Variants in THEMIS observed in about 807,000 individuals in gnomAD.
The protein encoded by THEMIS is thymocyte selection associated.
THEMIS carries 37 observed loss-of-function variants against 52.6 expected under a neutral mutation model. The ratio of observed to expected loss-of-function variants is 0.70; its 90% CI spans 0.54 to 0.93. The LOEUF (loss-of-function observed/expected upper bound fraction) is 0.93, where lower values mean the gene tolerates loss of function less well. THEMIS is among the 40% of genes least tolerant of loss of function. The pLI, the probability that THEMIS is intolerant of heterozygous loss-of-function variation, is 0.00. For synonymous variants in THEMIS, 292 were observed against 272.7 expected, an observed-to-expected ratio of 1.07 and a Z score of -0.70; for missense variants, 808 against 763.1, an observed-to-expected ratio of 1.06 and a Z score of -0.69.
chr6:127,840,357 T>C lies in THEMIS; in HGVS notation c.251-10423A>G, dbSNP rs937673541. Reference sequence around the variant, plus strand: ...AATAAAAATTATGCCTTGAAGAATATTTAATGACACAGGCAAGTCCTCAGA... The same window carrying C: ...AATAAAAATTATGCCTTGAAGAATACTTAATGACACAGGCAAGTCCTCAGA... On this transcript the variant is annotated intron_variant, in intron 2 of 5. Coordinates refer to ENST00000368248, the MANE Select transcript of THEMIS (RefSeq NM_001010923.3). Among the ~76,000 whole-genome samples the C allele has an allele frequency of 5.3e-5, 8 of 152,238 alleles. 1 individual carries two copies. The South Asian group carries it at 1.0e-3, about 20-fold the overall frequency.
rs1237148248 is a variant in THEMIS, at chr6:127,906,902, T to C, written c.-149-5821A>G. Among the ~76,000 whole-genome samples the C allele has an allele frequency of 1.3e-5, 2 of 151,900 alleles. 1 individual carries two copies. The highest frequency in any genetic ancestry group is 4.1e-4 in the South Asian group (2 of 4,830). ...AAATACCAATTCGTTTGTTAGATTCTCTATAGCTGCTTTCCTAAAAAGTAA... is the reference window on the plus strand; with the variant it reads ...AAATACCAATTCGTTTGTTAGATTCCCTATAGCTGCTTTCCTAAAAAGTAA... On this transcript the variant is annotated intron_variant, in intron 1 of 6. Coordinates refer to the THEMIS transcript ENST00000368250.
chr6:127,742,353 CA>C (rs964702157), intron 4 of THEMIS, among the ~76,000 whole-genome samples: 3 of 135,626 alleles, frequency 2.2e-5, no homozygotes, highest in Admixed American at 7.2e-5. Context: ...AACAAAAAAA[CA>C]AAAAAACAAA....
intron 4 of THEMIS, among the ~76,000 whole-genome samples, chr6:127,747,407 A>T (rs1222734739): frequency 6.8e-6 from 1 of 146,778 alleles, no homozygotes; most frequent in Non-Finnish European, 1.5e-5. Flanking sequence ...ATCATATATT[A>T]TAGATGTAGA....
rs193285405 is a variant in THEMIS at position 127,763,044 on chromosome 6, G to A, written c.1759-43221C>T. On this transcript the variant is annotated intron_variant, in intron 4 of 5. Transcript: ENST00000368248. ...TGGGGAAATGAAAGGAAAGACAAAG[G>A]GAATGCTTTTAAGTATTCCCTTTGA... Among the ~76,000 whole-genome samples, 144 of 151,996 alleles carry A rather than the reference G, an allele frequency of 9.5e-4. No homozygotes were observed. In the Middle Eastern group the frequency reaches 0.01, roughly 11 times the overall value.
At chr6:127,720,675 G>C (rs1422069834) in intron 4 of THEMIS, among the ~76,000 whole-genome samples, 2 of 151,934 alleles carry the variant, frequency 1.3e-5, no homozygotes, top group Non-Finnish European at 1.5e-5. Context: ...TTCCTGTAAA[G>C]TTTCTCCTGT....
intron 1 of THEMIS, among the ~76,000 whole-genome samples, chr6:127,889,406 A>C (rs2114463623): frequency 6.6e-6 from 1 of 152,240 alleles, no homozygotes; most frequent in African/African-American, 2.4e-5. Flanking sequence ...ACAAGATAGC[A>C]CAAGTCAATT....
intron 4 of THEMIS, among the ~76,000 whole-genome samples, chr6:127,799,778 T>G (rs1488893163): frequency 6.6e-6 from 1 of 152,144 alleles, no homozygotes; most frequent in African/African-American, 2.4e-5. Context: ...ATCTCACATT[T>G]GTACATTATT....
At chr6:127,759,846 C>CCCT (rs1192315407) in intron 4 of THEMIS, among the ~76,000 whole-genome samples, 1 of 112,848 alleles carries the variant, frequency 8.9e-6, no homozygotes, top group Non-Finnish European at 2.0e-5. Context: ...CTCCCTCCCT[C>CCCT]CCTCCCTCCC....
chr6:127,810,825 A>G (rs1269166641), intron 4 of THEMIS, among the ~76,000 whole-genome samples: 1 of 151,942 alleles, frequency 6.6e-6, no homozygotes, highest in Non-Finnish European at 1.5e-5. Context: ...TTCTCTAGGG[A>G]TGAAAAAATG....
At chr6:127,890,870 T>C (rs1351556763) in intron 1 of THEMIS, among the ~76,000 whole-genome samples, 4 of 152,084 alleles carry the variant, frequency 2.6e-5, no homozygotes, top group Non-Finnish European at 1.5e-5. Flanking sequence ...GGAAGGAATA[T>C]AAATATCAAT....
At chr6:127,863,380 T>G (rs1196959551) in intron 1 of THEMIS, among the ~76,000 whole-genome samples, 1 of 152,226 alleles carries the variant, frequency 6.6e-6, no homozygotes, top group African/African-American at 2.4e-5. Flanking sequence ...TCCATTTATC[T>G]TAAGGTGATC....
At chr6:127,707,356 A>G (rs1773825046), downstream of THEMIS, among the ~76,000 whole-genome samples, 1 of 152,158 alleles carries the variant, frequency 6.6e-6, no homozygotes, top group African/African-American at 2.4e-5. Context: ...TTTCTAGATC[A>G]TTTTAGGAAT....
intron 1 of THEMIS, among the ~76,000 whole-genome samples, chr6:127,898,827 TA>T (rs1781048869): frequency 6.6e-6 from 1 of 151,864 alleles, no homozygotes; most frequent in South Asian, 2.1e-4. Flanking sequence ...ACAACATGGA[TA>T]GAACTGAAGG....
At chr6:127,776,941 C>T (rs895674044) in intron 4 of THEMIS, among the ~76,000 whole-genome samples, 6 of 152,008 alleles carry the variant, frequency 3.9e-5, no homozygotes, top group Admixed American at 1.3e-4. Context: ...TGGTAATATT[C>T]CTTGCCCTAA....
At chr6:127,891,411 C>G (rs900782049) in intron 1 of THEMIS, among the ~76,000 whole-genome samples, 3 of 151,694 alleles carry the variant, frequency 2.0e-5, no homozygotes, top group African/African-American at 7.3e-5. Context: ...TGGCGGGCAC[C>G]TGTAGTCCCA....
intron 2 of THEMIS, among the ~76,000 whole-genome samples, chr6:127,848,407 C>G (rs1347309044): frequency 6.6e-6 from 1 of 151,894 alleles, no homozygotes; most frequent in African/African-American, 2.4e-5. Context: ...GTCTTTATAG[C>G]AGCATGATTT....
At chr6:127,862,670 T>A (rs1362892377) in intron 1 of THEMIS, among the ~76,000 whole-genome samples, 1 of 151,786 alleles carries the variant, frequency 6.6e-6, no homozygotes, top group East Asian at 1.9e-4. Context: ...TCCACCCACC[T>A]CGGCCTCCCA....
Position 127,813,454 on chromosome 6 carries a change from G to C in THEMIS, c.1187C>G (p.Thr396Arg). 6.2e-7 allele frequency: 1 copy of C among 1,613,934 alleles called. No individual in the cohort carries two copies. Residue 396 changes from threonine (T) to arginine (R), a missense_variant, in exon 4 of 6, where the codon ACG (threonine) becomes AGG (arginine). Thr to Arg is a moderately conservative substitution (Grantham distance 71). Coordinates refer to ENST00000368248, the MANE Select transcript of THEMIS (RefSeq NM_001010923.3). The stretch of plus-strand genomic sequence containing the variant: ...TATTCCCTCACAGAGGACTTCAGTC[G>C]TCTCTGACTGATGCACCAGAAACTG... ...GDQFLVHQSE[T>R]TEVLCEGIKK... is the part of the protein sequence containing the mutation.
intron 4 of THEMIS, among the ~76,000 whole-genome samples, chr6:127,742,324 AAAAAC>A (rs1775232439): frequency 2.0e-5 from 3 of 148,532 alleles, no homozygotes; most frequent in South Asian, 2.1e-4. Flanking sequence ...AAAAAAAAAA[AAAAAC>A]AAACAAAAAA....
Sources: gnomAD v4.1 joint callset for allele counts (sites outside exome capture counted in the v4.1 genomes callset) on GRCh38, gnomAD v4.1.1 for gene constraint, MANE v1.5 for transcripts, NCBI Gene and HGNC (gene_info 2026-07-23, HGNC 2026-07-21) for gene names.